The following AHCTF1 variants were observed in gnomAD, a reference collection of about 807,000 sequenced individuals.
AHCTF1 encodes protein ELYS.
In AHCTF1, 24 loss-of-function variants were observed where a neutral mutation model predicts 248.4. The ratio of observed to expected loss-of-function variants is 0.10; its 90% CI spans 0.07 to 0.14. The LOEUF (loss-of-function observed/expected upper bound fraction) is 0.14. Among genes scored for constraint, AHCTF1 ranks in the 10% least tolerant of loss-of-function variants. The pLI is 1.00. For synonymous variants in AHCTF1, 786 were observed against 929.8 expected (o/e 0.85, Z 2.81); for missense variants, 2,206 against 2,636.2 (o/e 0.84, Z 3.57).
chr1:246,920,197 A>C (rs1379277222), intron 1 of AHCTF1, among the ~76,000 whole-genome samples: 1 of 151,506 alleles, frequency 6.6e-6, no homozygotes, highest in Non-Finnish European at 1.5e-5. Context: ...CAAATAACAA[A>C]ACACACAAGG....
rs1246870533 is a variant in AHCTF1 at position 246,850,390 on chromosome 1, A to G, written c.5616T>C (p.Pro1872=). The G allele has an allele frequency of 3.7e-6, 6 of 1,609,282 alleles. No homozygotes were observed. Among genetic ancestry groups the G allele is most frequent in the Non-Finnish European group, 5.1e-6 (6 of 1,178,634 alleles). Residue 1872 remains proline, a synonymous_variant, in exon 33 of 36, where the codon CCT becomes CCC. Coordinates refer to ENST00000648844, the MANE Select transcript of AHCTF1 (RefSeq NM_001323342.2). ...VKVSSVTKRT[P]RRIKRSVENQ... ...TTTCTACAGATCTTTTAATTCTTCT[A>G]GGAGTCCTTTTTGTAACAGATGAAA...
chr1:246,931,399 G>T (rs1457879354), intron 1 of AHCTF1, 179 bp downstream of exon 1: 15 of 1,498,528 alleles, frequency 1.0e-5, no homozygotes, highest in African/African-American at 1.4e-5. Context: ...ACCCGCCACC[G>T]CCACCGCTCG....
At chr1:246,851,466 C>T in intron 32 of AHCTF1, 24 bp from the exon 33 acceptor site, 1 of 1,565,424 alleles carries the variant, frequency 6.4e-7, no homozygotes. Context: ...AGATAAGAGA[C>T]TGGTTAAAGA....
At chr1:246,897,877 G>A (rs1241219007) in intron 12 of AHCTF1, among the ~76,000 whole-genome samples, 2 of 149,734 alleles carry the variant, frequency 1.3e-5, no homozygotes, top group African/African-American at 4.9e-5. Flanking sequence ...ACTTGCGGGG[G>A]CTGGGGTGGG....
chr1:246,866,660 C>T (rs1662002562), intron 26 of AHCTF1, among the ~76,000 whole-genome samples: 1 of 151,534 alleles, frequency 6.6e-6, no homozygotes, highest in Non-Finnish European at 1.5e-5. Flanking sequence ...CAAAAATTTC[C>T]AAAGATCCTG....
At chr1:246,929,773 G>T (rs1667196529) in intron 1 of AHCTF1, among the ~76,000 whole-genome samples, 2 of 152,240 alleles carry the variant, frequency 1.3e-5, no homozygotes, top group African/African-American at 4.8e-5. Flanking sequence ...ATCTGTACCA[G>T]CCGGGCGCGG....
At chr1:246,918,420 T>G in intron 1 of AHCTF1, 43 bp from the exon 2 acceptor site, 6 of 1,557,294 alleles carry the variant, frequency 3.9e-6, no homozygotes, top group Non-Finnish European at 5.2e-6. Context: ...GACACATTTG[T>G]AGACAATATA....
At position 246,876,198 on chromosome 1, in the gene AHCTF1, T is replaced by A. The variant is rs776358251; in HGVS notation, c.2938-11A>T. The A allele has an allele frequency of 2.6e-6, 4 of 1,557,240 alleles. No homozygotes were observed. Among genetic ancestry groups the A allele is most frequent in the Non-Finnish European group, 3.5e-6 (4 of 1,146,954 alleles). ...AGGATCACGATCATTCTATTAAACA[T>A]CAAAATTGGTAAAAAATTTAACCTT... On this transcript the variant is annotated splice_polypyrimidine_tract_variant and intron_variant, in intron 23 of 35. Coordinates refer to ENST00000648844, the MANE Select transcript of AHCTF1 (RefSeq NM_001323342.2).
chr1:246,875,474 C>G (rs988258224), intron 24 of AHCTF1, among the ~76,000 whole-genome samples: 3 of 152,190 alleles, frequency 2.0e-5, no homozygotes, highest in Admixed American at 6.5e-5. Context: ...AGGGCAGAGG[C>G]AGGGTTTGAG....
intron 19 of AHCTF1, 71 bp downstream of exon 19, chr1:246,888,106 G>C: frequency 6.5e-7 from 1 of 1,527,296 alleles, no homozygotes; most frequent in Non-Finnish European, 9.0e-7. Context: ...AGATATGTCA[G>C]GTTTCCACTA....
intron 33 of AHCTF1, among the ~76,000 whole-genome samples, chr1:246,846,864 A>G (rs111966101): frequency 7.9e-4 from 120 of 151,944 alleles, no homozygotes; most frequent in African/African-American, 2.7e-3. Flanking sequence ...CCATCCTCAC[A>G]CCTCAGCCTC....
At chr1:246,885,131 T>C (rs531597731) in intron 21 of AHCTF1, among the ~76,000 whole-genome samples, 6 of 152,336 alleles carry the variant, frequency 3.9e-5, no homozygotes, top group South Asian at 2.1e-4. Context: ...TTTCTTAACA[T>C]TGGAAGACCA....
At chr1:246,916,420 T>G (rs1666150928) in intron 2 of AHCTF1, 25 bp from the exon 3 acceptor site, 1 of 1,598,796 alleles carries the variant, frequency 6.3e-7, no homozygotes, top group Non-Finnish European at 8.5e-7. Flanking sequence ...AATTGCCTAT[T>G]TTAATATTGT....
At chr1:246,915,062 T>C (rs757302709) in intron 3 of AHCTF1, among the ~76,000 whole-genome samples, 2 of 152,232 alleles carry the variant, frequency 1.3e-5, no homozygotes, top group East Asian at 3.8e-4. Context: ...CCGGGCGTGG[T>C]GGCTCATGCC....
At chr1:246,842,624 T>C (rs1659957155) in intron 35 of AHCTF1, 70 bp downstream of exon 35, 13 of 1,143,748 alleles carry the variant, frequency 1.1e-5, no homozygotes, top group East Asian at 1.0e-4. Flanking sequence ...AAAAGGAGGA[T>C]AGTAGGGTGG....
intron 8 of AHCTF1, among the ~76,000 whole-genome samples, chr1:246,901,101 A>G (rs1302993075): frequency 6.6e-6 from 1 of 152,152 alleles, no homozygotes; most frequent in Non-Finnish European, 1.5e-5. Context: ...GCACTTTGGA[A>G]GGCCAGGTGG....
chr1:246,930,626 T>C (rs1014504608), intron 1 of AHCTF1, among the ~76,000 whole-genome samples: 4 of 150,290 alleles, frequency 2.7e-5, no homozygotes, highest in Admixed American at 2.0e-4. Flanking sequence ...TTGCTCAGGC[T>C]GGTCTCAAAC....
At chr1:246,923,556 TA>T (rs1666723969) in intron 1 of AHCTF1, among the ~76,000 whole-genome samples, 1 of 152,200 alleles carries the variant, frequency 6.6e-6, no homozygotes, top group Admixed American at 6.5e-5. Context: ...CAGCAGATGG[TA>T]AAAAGCTATT....
chr1:246,916,048 G>A (rs1319083122), intron 3 of AHCTF1, 94 bp downstream of exon 3: 9 of 1,366,044 alleles, frequency 6.6e-6, no homozygotes, highest in Admixed American at 4.8e-5. Flanking sequence ...TAAATGTTGC[G>A]GGTCAGTGAA....
Sources: allele counts gnomAD v4.1 joint callset (sites outside exome capture counted in the v4.1 genomes callset), GRCh38; gene constraint gnomAD v4.1.1; transcripts MANE v1.5; gene names NCBI Gene and HGNC (gene_info 2026-07-23, HGNC 2026-07-21).